DPH6: variants seen among roughly 807,000 people sequenced by gnomAD.
The protein encoded by DPH6 is diphthamine biosynthesis 6.
A neutral mutation model predicts 38.2 loss-of-function variants in DPH6; 33 were observed. The observed-to-expected ratio is 0.86, with a 90% CI of 0.65 to 1.15. The LOEUF (loss-of-function observed/expected upper bound fraction) is 1.15, where lower values mean the gene tolerates loss of function less well. Ranked by LOEUF, DPH6 falls within the 50% of genes most tolerant of loss-of-function variation. DPH6 has a pLI of 0.00. For synonymous variants in DPH6, 108 were observed against 103.0 expected (o/e 1.05, Z -0.30); for missense variants, 325 against 320.0 (o/e 1.02, Z -0.12).
At chr15:35,295,333 C>T (rs1566861907) in intron 3 of DPH6, among the ~76,000 whole-genome samples, 1 of 152,204 alleles carries the variant, frequency 6.6e-6, no homozygotes, top group Non-Finnish European at 1.5e-5. Flanking sequence ...TTTCTGTTGA[C>T]TTTTTCTTCA....
chr15:35,412,477 T>A (rs150375750), intron 5 of DPH6, among the ~76,000 whole-genome samples: 108 of 151,828 alleles, frequency 7.1e-4, no homozygotes, highest in African/African-American at 2.5e-3. Context: ...TGGTGTTCCT[T>A]GGTGTTTACC....
the DPH6 span, among the ~76,000 whole-genome samples, chr15:35,157,429 G>C: frequency 6.6e-6 from 1 of 151,986 alleles, no homozygotes; most frequent in African/African-American, 2.4e-5. Flanking sequence ...AATCTTGGGG[G>C]GTATTATAGA....
chr15:35,267,648 T>A lies in DPH6; in HGVS notation n.201-47066A>T, dbSNP rs567263631. ...CTAATTGTTCATCAGTTTTCGAGAA[T>A]AGCCTGATGGTTTCAGACACCTTGT... is the stretch of plus-strand genomic sequence containing the variant. On this transcript the variant is annotated intron_variant and non_coding_transcript_variant, in intron 3 of 3. Coordinates refer to the DPH6 transcript ENST00000560386. Among the ~76,000 whole-genome samples, 7 of 152,326 alleles carry A rather than the reference T, an allele frequency of 4.6e-5. No homozygotes were observed. In the East Asian group the frequency reaches 1.2e-3, roughly 25 times the overall value.
chr15:35,427,524 T>C (rs2053584475), intron 5 of DPH6, among the ~76,000 whole-genome samples: 1 of 151,868 alleles, frequency 6.6e-6, no homozygotes, highest in African/African-American at 2.4e-5. Flanking sequence ...GCTCTCTTGG[T>C]GATAATGGAG....
At chr15:35,377,220 G>A (rs1258497539) in intron 7 of DPH6, among the ~76,000 whole-genome samples, 1 of 152,106 alleles carries the variant, frequency 6.6e-6, no homozygotes, top group Non-Finnish European at 1.5e-5. Flanking sequence ...CCTTGAGTGG[G>A]CAGAAAATAT....
At chr15:35,497,857 T>C (rs28706941) in intron 3 of DPH6, among the ~76,000 whole-genome samples, 2,291 of 152,296 alleles carry the variant, frequency 0.015, 33 homozygotes, top group South Asian at 0.088. Context: ...CATTATCCAA[T>C]AGTGTAAAAA....
chr15:35,290,038 T>C (rs530251164), intron 3 of DPH6, among the ~76,000 whole-genome samples: 1 of 152,134 alleles, frequency 6.6e-6, no homozygotes, highest in African/African-American at 2.4e-5. Flanking sequence ...CACACTAAAG[T>C]TGAAAAGAAA....
downstream of DPH6, among the ~76,000 whole-genome samples, chr15:35,329,158 A>T (rs959040330): frequency 6.6e-6 from 1 of 152,210 alleles, no homozygotes. Flanking sequence ...ATACAGACTC[A>T]TGGTGATTGA....
At chr15:35,307,227 G>A (rs1018187023) in intron 3 of DPH6, among the ~76,000 whole-genome samples, 6 of 152,084 alleles carry the variant, frequency 3.9e-5, no homozygotes, top group Non-Finnish European at 7.4e-5. Flanking sequence ...TGGATATAGT[G>A]TGCCTCCTGA....
chr15:35,336,442 T>C (rs2052373651), intron 3 of DPH6, among the ~76,000 whole-genome samples: 1 of 152,196 alleles, frequency 6.6e-6, no homozygotes, highest in South Asian at 2.1e-4. Flanking sequence ...ACTGATACCC[T>C]TTCTTCCAGT....
At chr15:35,348,602 T>C (rs1479617218) in intron 3 of DPH6, among the ~76,000 whole-genome samples, 1 of 152,122 alleles carries the variant, frequency 6.6e-6, no homozygotes, top group Admixed American at 6.6e-5. Flanking sequence ...GTTTTCGTTA[T>C]TGAAATAGGA....
chr15:35,512,307 A>G (rs1454408849), intron 3 of DPH6, among the ~76,000 whole-genome samples: 1 of 152,194 alleles, frequency 6.6e-6, no homozygotes, highest in Non-Finnish European at 1.5e-5. Flanking sequence ...GTCAGTTAAT[A>G]GCCAGGAGCA....
At chr15:35,273,484 A>G (rs1948244348) in intron 3 of DPH6, among the ~76,000 whole-genome samples, 1 of 152,224 alleles carries the variant, frequency 6.6e-6, no homozygotes, top group Non-Finnish European at 1.5e-5. Flanking sequence ...ATGGTTGTAT[A>G]TATTAGAAAA....
intron 3 of DPH6, among the ~76,000 whole-genome samples, chr15:35,264,625 C>A (rs1884398404): frequency 6.6e-6 from 1 of 152,186 alleles, no homozygotes; most frequent in Non-Finnish European, 1.5e-5. Flanking sequence ...ATTTGAGATT[C>A]AGTGGGTGGG....
intron 3 of DPH6, among the ~76,000 whole-genome samples, chr15:35,535,570 T>C (rs955908114): frequency 2.0e-5 from 3 of 152,150 alleles, no homozygotes; most frequent in African/African-American, 7.2e-5. Flanking sequence ...TCTGTAACTA[T>C]TACACTGCTC....
At chr15:35,352,377 C>T (rs2052521688) in intron 3 of DPH6, among the ~76,000 whole-genome samples, 2 of 152,044 alleles carry the variant, frequency 1.3e-5, no homozygotes. Flanking sequence ...TGTGCTGCAC[C>T]CATTAACTCG....
intron 3 of DPH6, among the ~76,000 whole-genome samples, chr15:35,494,546 T>C (rs987236794): frequency 6.6e-6 from 1 of 152,168 alleles, no homozygotes; most frequent in African/African-American, 2.4e-5. Flanking sequence ...CTGAATTTTT[T>C]ACTTTTTCAA....
At chr15:35,486,400 G>T (rs58561054) in intron 3 of DPH6, among the ~76,000 whole-genome samples, 14,575 of 151,832 alleles carry the variant, frequency 0.096, 941 homozygotes, top group African/African-American at 0.18. Flanking sequence ...TGATTCACAG[G>T]TCTGCATGGC....
At chr15:35,237,411 C>A (rs981683733) in intron 3 of DPH6, 30 of 1,605,056 alleles carry the variant, frequency 1.9e-5, no homozygotes, top group Admixed American at 1.5e-4. Flanking sequence ...AACAGTCGGT[C>A]GAATGAAGGC....
Sources: gnomAD v4.1 joint callset for allele counts (sites outside exome capture counted in the v4.1 genomes callset) on GRCh38, gnomAD v4.1.1 for gene constraint, MANE v1.5 for transcripts, NCBI Gene and HGNC (gene_info 2026-07-23, HGNC 2026-07-21) for gene names.